Variants in KIZ observed in about 807,000 individuals in gnomAD.
KIZ encodes the protein centrosomal protein kizuna.
A neutral mutation model predicts 79.6 loss-of-function variants in KIZ; 68 were observed. That is an observed-to-expected ratio of 0.85 (90% confidence interval 0.70 to 1.05). The LOEUF (loss-of-function observed/expected upper bound fraction) is 1.05. Ranked by LOEUF, KIZ falls within the 50% of genes least tolerant of loss-of-function variation. KIZ has a pLI of 0.00. For synonymous variants in KIZ, 280 were observed against 281.8 expected, an observed-to-expected ratio of 0.99 and a Z score of 0.06; for missense variants, 797 against 800.4, an observed-to-expected ratio of 1.00 and a Z score of 0.05.
intron 12 of KIZ, chr20:21,244,656 G>A (rs1247588150): frequency 1.9e-5 from 4 of 208,270 alleles, no homozygotes; most frequent in Non-Finnish European, 3.8e-5. Context: ...GGCTCTTGGA[G>A]TAACTCTAAC....
intron 7 of KIZ, among the ~76,000 whole-genome samples, chr20:21,212,859 G>A (rs1044120653): frequency 2.6e-5 from 4 of 152,186 alleles, no homozygotes; most frequent in Non-Finnish European, 2.9e-5. Flanking sequence ...AACCAGCCTT[G>A]GCCTGGCCTT....
Position 21,206,116 on chromosome 20 carries a change from T to C in KIZ, c.1446+532T>C, listed in dbSNP as rs549642459. 1.2e-4 allele frequency among the ~76,000 whole-genome samples: 18 copies of C among 152,344 alleles called. 1 individual carries two copies. The South Asian group carries it at 3.5e-3, about 30-fold the overall frequency. On this transcript the variant is annotated intron_variant, in intron 7 of 12. Transcript: ENST00000619189. ...TAATGTTTTATGTAGGAATTTATTT[T>C]CCAAGAAATTTCAAAGCATCTTATA...
At chr20:21,204,367 G>A (rs1209120296) in intron 6 of KIZ, among the ~76,000 whole-genome samples, 1 of 151,760 alleles carries the variant, frequency 6.6e-6, no homozygotes. Flanking sequence ...CGCCCGCCTC[G>A]GCCTCCCAAA....
At chr20:21,180,458 A>G (rs1271508321) in intron 6 of KIZ, among the ~76,000 whole-genome samples, 1 of 152,056 alleles carries the variant, frequency 6.6e-6, no homozygotes, top group East Asian at 1.9e-4. Context: ...GGGGAGGAAA[A>G]GTCAGGAAGG....
At position 21,162,096 on chromosome 20, in the gene KIZ, A is replaced by G. The variant is rs763042626; in HGVS notation, c.631A>G (p.Thr211Ala). 2.3e-5 allele frequency: 37 copies of G among 1,613,560 alleles called. No individual in the cohort carries two copies. Among genetic ancestry groups the G allele is most frequent in the Non-Finnish European group, 3.1e-5 (36 of 1,179,700 alleles). The change falls in exon 5 of 13, where the codon ACT becomes GCT. Residue 211 changes from threonine (T) to alanine (A), a missense_variant. Transcript: ENST00000619189. ...SNVTDSCVVQ[T>A]SNDTQCLNKS... ...TGTGACAGACAGCTGTGTAGTACAA[A>G]CTAGTAATGACACACAGTGCTTAAA...
At chr20:21,244,113 A>T in intron 11 of KIZ, 132 bp from the exon 12 acceptor site, 1 of 701,336 alleles carries the variant, frequency 1.4e-6, no homozygotes, top group South Asian at 1.6e-5. Context: ...TTACTTTTAA[A>T]CTCTGGGAAG....
Position 21,229,047 on chromosome 20 carries a change from T to C in KIZ, c.1715T>C (p.Leu572Pro), listed in dbSNP as rs1271046092. 1 of 1,611,914 alleles carries C rather than the reference T, an allele frequency of 6.2e-7. No homozygotes were observed. The highest frequency in any genetic ancestry group is 1.3e-5 in the African/African-American group (1 of 74,910). Reference protein sequence around the residue: ...EAYQLLKKATLQDNTNQTENR... With the variant: ...EAYQLLKKATPQDNTNQTENR... ...TATCAGTTGCTGAAGAAGGCCACCCTTCAGGATAATACAAATCAAACTGAA... is the reference window on the plus strand; with the variant it reads ...TATCAGTTGCTGAAGAAGGCCACCCCTCAGGATAATACAAATCAAACTGAA... The change falls in exon 10 of 13, where the codon CTT becomes CCT. Residue 572 changes from leucine (L) to proline (P), a missense_variant. Physicochemically the swap from Leu to Pro is moderately conservative, Grantham distance 98. Transcript: ENST00000619189.
chr20:21,134,790 C>T (rs1049632734), intron 2 of KIZ, among the ~76,000 whole-genome samples: 2 of 151,736 alleles, frequency 1.3e-5, no homozygotes, highest in African/African-American at 2.4e-5. Context: ...CCTCAGCCTC[C>T]TGAGTAGCTG....
At chr20:21,161,783 A>T (rs2033669461) in intron 4 of KIZ, 88 bp from the exon 5 acceptor site, 2 of 819,932 alleles carry the variant, frequency 2.4e-6, no homozygotes, top group Non-Finnish European at 1.9e-6. Context: ...GCTTTGTTTG[A>T]CCTCCTTTCA....
At chr20:21,159,897 A>G (rs1004235519) in intron 4 of KIZ, among the ~76,000 whole-genome samples, 1 of 152,166 alleles carries the variant, frequency 6.6e-6, no homozygotes, top group African/African-American at 2.4e-5. Flanking sequence ...TGCTGGTTAG[A>G]TGGTAACTCT....
At chr20:21,127,070 TAAC>T (rs926496834) in intron 1 of KIZ, among the ~76,000 whole-genome samples, 19 of 152,320 alleles carry the variant, frequency 1.2e-4, no homozygotes, top group Admixed American at 4.6e-4. Context: ...GCTAAAATGA[TAAC>T]AATAATTACA....
chr20:21,126,669 A>G (rs1376341261), intron 1 of KIZ, among the ~76,000 whole-genome samples: 1 of 152,120 alleles, frequency 6.6e-6, no homozygotes, highest in Non-Finnish European at 1.5e-5. Context: ...TGTGTCAAAC[A>G]TGTGCCCCCG....
intron 6 of KIZ, among the ~76,000 whole-genome samples, chr20:21,189,629 A>G (rs1255204619): frequency 6.6e-6 from 1 of 152,228 alleles, no homozygotes; most frequent in African/African-American, 2.4e-5. Flanking sequence ...AAGTGGGGAA[A>G]AGGCAAGGGT....
intron 12 of KIZ, chr20:21,245,032 C>T (rs2037342042): frequency 6.6e-6 from 1 of 152,364 alleles, no homozygotes. Flanking sequence ...AAAATCTAGC[C>T]CTCCTACCAT....
At chr20:21,149,059 A>G (rs2032987094) in intron 4 of KIZ, 1 of 152,328 alleles carries the variant, frequency 6.6e-6, no homozygotes, top group Admixed American at 6.5e-5. Context: ...CTTCTCAACA[A>G]CCCTGGAAGT....
chr20:21,153,648 A>C (rs1212071404), intron 4 of KIZ, among the ~76,000 whole-genome samples: 1 of 152,162 alleles, frequency 6.6e-6, no homozygotes, highest in African/African-American at 2.4e-5. Context: ...GGCTTAAACA[A>C]CAGAAATGTG....
chr20:21,132,160 G>A lies in KIZ; in HGVS notation c.152+1G>A. ...AATATAATCAGTCTGATACATGCAG[G>A]TAAGAGACGACAGTGGGAACAGTTT... On this transcript the variant is annotated splice_donor_variant, in intron 2 of 12. Coordinates refer to ENST00000619189, the MANE Select transcript of KIZ (RefSeq NM_018474.6). LOFTEE classifies it high-confidence loss of function. 1 of 1,439,778 alleles carries A rather than the reference G, an allele frequency of 6.9e-7. No individual in the cohort carries two copies. The highest frequency in any genetic ancestry group is 9.5e-7 in the Non-Finnish European group (1 of 1,056,358). 89.2% of individuals were successfully genotyped at this position (1,439,778 alleles called of 1,614,324 possible).
chr20:21,139,311 T>C (rs562584387), intron 3 of KIZ, among the ~76,000 whole-genome samples: 3 of 152,260 alleles, frequency 2.0e-5, no homozygotes, highest in South Asian at 2.1e-4. Context: ...CCCTCAGATA[T>C]GGAATTAACC....
intron 9 of KIZ, among the ~76,000 whole-genome samples, chr20:21,223,401 T>C (rs940811146): frequency 1.3e-5 from 2 of 152,230 alleles, no homozygotes; most frequent in African/African-American, 4.8e-5. Flanking sequence ...AGACAACTCA[T>C]CTGAATTAGG....
Sources: allele counts gnomAD v4.1 joint callset (sites outside exome capture counted in the v4.1 genomes callset), GRCh38; gene constraint gnomAD v4.1.1; transcripts MANE v1.5; gene names NCBI Gene and HGNC (gene_info 2026-07-23, HGNC 2026-07-21).